Variants in ADA2 observed in about 807,000 individuals in gnomAD.
ADA2 encodes the protein adenosine deaminase CECR1.
A neutral mutation model predicts 44.2 loss-of-function variants in ADA2; 29 were observed. The observed-to-expected ratio is 0.66, with a 90% CI of 0.49 to 0.89. The LOEUF is 0.89. ADA2 is among the 40% of genes least tolerant of loss of function. The pLI, the probability that ADA2 is intolerant of heterozygous loss-of-function variation, is 0.00. For synonymous variants in ADA2, 215 were observed against 234.9 expected (o/e 0.92, Z 0.77); for missense variants, 637 against 644.8 (o/e 0.99, Z 0.13).
At chr22:17,190,762 A>G (rs57540758) in intron 5 of ADA2, among the ~76,000 whole-genome samples, 4,106 of 152,268 alleles carry the variant, frequency 0.027, 179 homozygotes, top group African/African-American at 0.093. Flanking sequence ...CCCTCCTGCC[A>G]CTGGCCCTGG....
intron 4 of ADA2, among the ~76,000 whole-genome samples, chr22:17,198,203 T>C (rs1424338230): frequency 6.6e-6 from 1 of 152,148 alleles, no homozygotes; most frequent in South Asian, 2.1e-4. Flanking sequence ...GAGTGACATC[T>C]CAGCCCTGGC....
At chr22:17,197,934 A>G (rs1335154078) in intron 4 of ADA2, among the ~76,000 whole-genome samples, 2 of 151,756 alleles carry the variant, frequency 1.3e-5, no homozygotes. Flanking sequence ...GCTACTCGGG[A>G]GGCTGAGGCA....
chr22:17,201,034 AC>A (rs2062278356), intron 4 of ADA2, among the ~76,000 whole-genome samples: 1 of 151,828 alleles, frequency 6.6e-6, no homozygotes, highest in Admixed American at 6.6e-5. Context: ...ACATGGTGAA[AC>A]CCCATTTACT....
intron 1 of ADA2, among the ~76,000 whole-genome samples, chr22:17,217,346 T>C (rs1452270295): frequency 6.6e-6 from 1 of 152,194 alleles, no homozygotes; most frequent in East Asian, 1.9e-4. Flanking sequence ...TCAATCATTC[T>C]GTGGCCACAC....
At chr22:17,213,180 C>CA (rs537118733) in intron 1 of ADA2, among the ~76,000 whole-genome samples, 1 of 151,912 alleles carries the variant, frequency 6.6e-6, no homozygotes, top group South Asian at 2.1e-4. Context: ...ACTTAAAAGG[C>CA]AAAAAATAAC....
In ADA2 at chr22:17,189,998, G is replaced by C. The variant is rs774963498; in HGVS notation, c.916C>G (p.Arg306Gly). The change falls in exon 6 of 10, where the codon CGA becomes GGA. Residue 306 changes from arginine to glycine, a missense_variant. By Grantham distance (125) the Arg-to-Gly change is moderately radical (BLOSUM62 -2). Transcript: ENST00000399837. ...TTGATTCGGAGCCCCATGGCCATTC[G>C]GATGGATTCTGCGATGACAGCCACA... The part of the protein sequence containing the change: ...KDVAVIAESI[R>G]MAMGLRIKFP... 1.2e-6 allele frequency: 2 copies of C among 1,613,794 alleles called. No individual in the cohort carries two copies. Among genetic ancestry groups the C allele is most frequent in the Admixed American group, 3.3e-5 (2 of 59,972 alleles).
At chr22:17,203,854 C>T in intron 3 of ADA2, 81 bp from the exon 4 acceptor site, 1 of 832,658 alleles carries the variant, frequency 1.2e-6, no homozygotes, top group East Asian at 2.6e-5. Flanking sequence ...TGCTACCCAC[C>T]TTGCATATCC....
chr22:17,214,085 G>T, intron 1 of ADA2: 1 of 622,402 alleles, frequency 1.6e-6, no homozygotes, highest in South Asian at 1.5e-5. Context: ...CACAAGCAGA[G>T]AGTGGAGGAC....
intron 1 of ADA2, among the ~76,000 whole-genome samples, chr22:17,215,763 A>T (rs1601469736): frequency 6.6e-6 from 1 of 152,144 alleles, no homozygotes; most frequent in South Asian, 2.1e-4. Context: ...ATAGATATAG[A>T]GAATAGAAAG....
intron 1 of ADA2, among the ~76,000 whole-genome samples, chr22:17,214,751 G>A (rs1002686295): frequency 6.6e-6 from 1 of 152,190 alleles, no homozygotes; most frequent in Non-Finnish European, 1.5e-5. Context: ...GGCAAGAATG[G>A]AAGGAAACAC....
At chr22:17,215,449 T>C (rs1355693695) in intron 1 of ADA2, among the ~76,000 whole-genome samples, 2 of 151,624 alleles carry the variant, frequency 1.3e-5, no homozygotes, top group Admixed American at 1.3e-4. Flanking sequence ...CTACTAAAAA[T>C]ACAAAAATTA....
At chr22:17,200,390 T>C (rs1024693239) in intron 4 of ADA2, among the ~76,000 whole-genome samples, 1 of 152,182 alleles carries the variant, frequency 6.6e-6, no homozygotes, top group African/African-American at 2.4e-5. Flanking sequence ...CTGTCTGCTC[T>C]GTCCACAAAA....
At chr22:17,196,326 A>G (rs1247389389) in intron 4 of ADA2, among the ~76,000 whole-genome samples, 1 of 149,870 alleles carries the variant, frequency 6.7e-6, no homozygotes, top group South Asian at 2.2e-4. Flanking sequence ...TCCATCCCAA[A>G]AAAAAAAAAA....
Position 17,187,141 on chromosome 22 carries a change from T to A in ADA2, c.1081+1198A>T, listed in dbSNP as rs180747782. 4.2e-3 allele frequency among the ~76,000 whole-genome samples: 589 copies of A among 140,070 alleles called. 5 individuals are homozygous for A. Among genetic ancestry groups the A allele is most frequent in the African/African-American group, 0.015 (556 of 37,456 alleles). 91.9% of individuals were successfully genotyped at this position (140,070 alleles called of 152,430 possible). A position where few individuals can be genotyped will look rare whatever the true frequency, so the allele number is the denominator to read the frequency against. On this transcript the variant is annotated intron_variant, in intron 7 of 9. Coordinates refer to ENST00000399837, the MANE Select transcript of ADA2 (RefSeq NM_001282225.2). ...GAGATCATACCACTGCACTCCAGCC[T>A]GGGCCACAGAGCGAGACTCCATCTC...
At position 17,182,010 on chromosome 22, in the gene ADA2, C is replaced by G; in HGVS notation, c.1252G>C (p.Val418Leu). The part of the protein sequence containing the change: ...CPISNQVLKL[V>L]SDLRNHPVAT... Reference sequence around the variant, plus strand: ...ACAGGGTGGTTCCTCAAGTCAGACACCAGTTTCAGCACCTGCGCAATAGGA... The same window carrying G: ...ACAGGGTGGTTCCTCAAGTCAGACAGCAGTTTCAGCACCTGCGCAATAGGA... Residue 418 changes from valine (V) to leucine (L), a missense_variant, in exon 9 of 10, where the codon GTG (valine) becomes CTG (leucine). Physicochemically the swap from Val to Leu is conservative, Grantham distance 32 (BLOSUM62 1). Coordinates refer to ENST00000399837, the MANE Select transcript of ADA2 (RefSeq NM_001282225.2). 6.2e-7 allele frequency: 1 copy of G among 1,613,564 alleles called. No homozygotes were observed. Among genetic ancestry groups the G allele is most frequent in the Middle Eastern group, 1.7e-4 (1 of 6,058 alleles).
At chr22:17,184,911 A>G (rs1601425143) in intron 7 of ADA2, among the ~76,000 whole-genome samples, 1 of 5,774 alleles carries the variant, frequency 1.7e-4, no homozygotes, top group Non-Finnish European at 3.7e-4. Context: ...CCTGGGTGAC[A>G]GAGGTGGAGG....
intron 4 of ADA2, among the ~76,000 whole-genome samples, chr22:17,192,345 G>A (rs1322057657): frequency 1.3e-5 from 2 of 152,098 alleles, no homozygotes; most frequent in Non-Finnish European, 2.9e-5. Flanking sequence ...CGGGGGGAGA[G>A]GATGAAAGCT....
chr22:17,201,188 G>T (rs1399094169), intron 4 of ADA2, among the ~76,000 whole-genome samples: 5 of 149,888 alleles, frequency 3.3e-5, no homozygotes, highest in Admixed American at 1.3e-4. Flanking sequence ...CAGCCTGGGC[G>T]ACAGAAATTC....
chr22:17,214,708 C>T (rs2062452318), intron 1 of ADA2, among the ~76,000 whole-genome samples: 1 of 152,240 alleles, frequency 6.6e-6, no homozygotes, highest in Non-Finnish European at 1.5e-5. Context: ...GCCACTGAGA[C>T]AGCACAGCCT....
Sources: allele counts gnomAD v4.1 joint callset (sites outside exome capture counted in the v4.1 genomes callset), GRCh38; gene constraint gnomAD v4.1.1; transcripts MANE v1.5; gene names NCBI Gene and HGNC (gene_info 2026-07-23, HGNC 2026-07-21).